Variants in TRPC4 observed in about 807,000 individuals in gnomAD.
TRPC4 encodes short transient receptor potential channel 4.
TRPC4 carries 49 observed loss-of-function variants against 99.4 expected under a neutral mutation model. The observed-to-expected ratio is 0.49, with a 90% confidence interval of 0.39 to 0.63. The LOEUF (loss-of-function observed/expected upper bound fraction) is 0.63, where lower values mean the gene tolerates loss of function less well. Among genes scored for constraint, TRPC4 ranks in the 20% least tolerant of loss-of-function variants. The pLI is 0.00. For missense variants in TRPC4, 898 were observed against 1,152.9 expected, an observed-to-expected ratio of 0.78 and a Z score of 3.20; for synonymous variants, 454 against 425.9, an observed-to-expected ratio of 1.07 and a Z score of -0.81.
chr13:37,836,738 A>C (rs926579444), intron 1 of TRPC4, among the ~76,000 whole-genome samples: 1 of 152,240 alleles, frequency 6.6e-6, no homozygotes, highest in Non-Finnish European at 1.5e-5. Flanking sequence ...GTTAGAAAAG[A>C]AAATCCCATT....
chr13:37,857,256 G>T (rs534306645), intron 1 of TRPC4, among the ~76,000 whole-genome samples: 1 of 151,266 alleles, frequency 6.6e-6, no homozygotes, highest in East Asian at 1.9e-4. Flanking sequence ...AAACACTGAT[G>T]AAAAAAATTA....
At chr13:37,834,703 T>C (rs974357700) in intron 1 of TRPC4, among the ~76,000 whole-genome samples, 1 of 152,152 alleles carries the variant, frequency 6.6e-6, no homozygotes, top group Non-Finnish European at 1.5e-5. Context: ...ATCTTGAGTT[T>C]ATCTCACTCT....
At chr13:37,640,791 G>A (rs1271582305) in intron 8 of TRPC4, among the ~76,000 whole-genome samples, 2 of 152,108 alleles carry the variant, frequency 1.3e-5, no homozygotes, top group Admixed American at 1.3e-4. Context: ...AAATACTAAA[G>A]TGAGTCGTAC....
chr13:37,787,997 A>G (rs1287691147), intron 1 of TRPC4, among the ~76,000 whole-genome samples: 1 of 152,104 alleles, frequency 6.6e-6, no homozygotes, highest in Non-Finnish European at 1.5e-5. Context: ...AAACAATGTT[A>G]TTGTGCTGGA....
In TRPC4 at chr13:37,702,773, C is replaced by T. The variant is rs192930122; in HGVS notation, c.898-10438G>A. On this transcript the variant is annotated intron_variant, in intron 3 of 10. Transcript: ENST00000379705. The stretch of plus-strand genomic sequence containing the variant: ...TCAGCTATATACATAATGCGATTTT[C>T]GAAGGTCTGAAAAAGGTCATATATA... 1.1e-4 allele frequency among the ~76,000 whole-genome samples: 17 copies of T among 152,200 alleles called. No homozygotes were observed. In the East Asian group the frequency reaches 1.9e-3, roughly 17 times the overall value.
chr13:37,803,382 T>C (rs769519132), intron 1 of TRPC4, among the ~76,000 whole-genome samples: 11 of 152,082 alleles, frequency 7.2e-5, no homozygotes, highest in African/African-American at 1.7e-4. Context: ...AAAACATACA[T>C]GTAAACTCAC....
rs537111613 is a variant in TRPC4, at chr13:37,635,925, G to A, written c.*978C>T. Among the ~76,000 whole-genome samples the A allele has an allele frequency of 1.3e-5, 2 of 151,974 alleles. No homozygotes were observed. Among genetic ancestry groups the A allele is most frequent in the Non-Finnish European group, 2.9e-5 (2 of 67,942 alleles). ...TACTGGTGAAAAGAGGAGACTGCTA[G>A]TTTTTTTGTACTTCTTTTGAATTGA... On this transcript the variant is annotated 3_prime_UTR_variant, in exon 11 of 11. Transcript: ENST00000379705.
intron 4 of TRPC4, among the ~76,000 whole-genome samples, chr13:37,689,475 CA>C (rs563793462): frequency 6.6e-6 from 1 of 152,102 alleles, no homozygotes; most frequent in Non-Finnish European, 1.5e-5. Context: ...CCTCATGCCC[CA>C]TTATTTCAGC....
chr13:37,733,549 AAGAAT>A (rs1955304073), intron 3 of TRPC4, among the ~76,000 whole-genome samples: 5 of 152,146 alleles, frequency 3.3e-5, no homozygotes, highest in Admixed American at 3.3e-4. Context: ...TTCTTCTTTG[AAGAAT>A]AGGAGTTTCA....
At chr13:37,713,148 G>C (rs964610061) in intron 3 of TRPC4, among the ~76,000 whole-genome samples, 2 of 152,176 alleles carry the variant, frequency 1.3e-5, no homozygotes, top group Non-Finnish European at 2.9e-5. Flanking sequence ...AGCAGCAGAA[G>C]CAGAGTTAGC....
intron 6 of TRPC4, among the ~76,000 whole-genome samples, chr13:37,661,620 A>C (rs1181560683): frequency 6.6e-6 from 1 of 152,194 alleles, no homozygotes; most frequent in African/African-American, 2.4e-5. Flanking sequence ...GTAAGAAGAA[A>C]GTTGTGAAAG....
intron 3 of TRPC4, among the ~76,000 whole-genome samples, chr13:37,696,544 AT>A (rs1412421834): frequency 6.6e-6 from 1 of 152,214 alleles, no homozygotes; most frequent in Non-Finnish European, 1.5e-5. Flanking sequence ...GAAAATCCAA[AT>A]TCTAGGAACA....
intron 1 of TRPC4, among the ~76,000 whole-genome samples, chr13:37,794,520 C>T (rs1593759550): frequency 6.6e-6 from 1 of 152,186 alleles, no homozygotes; most frequent in African/African-American, 2.4e-5. Flanking sequence ...AGTATTCAAA[C>T]ATAGAAGCAA....
chr13:37,810,062 A>G (rs536541628), intron 1 of TRPC4, among the ~76,000 whole-genome samples: 1 of 152,238 alleles, frequency 6.6e-6, no homozygotes, highest in East Asian at 1.9e-4. Context: ...CACAATAGAA[A>G]CAAATCCAAT....
At chr13:37,780,713 A>G (rs1423138637) in intron 2 of TRPC4, among the ~76,000 whole-genome samples, 2 of 152,106 alleles carry the variant, frequency 1.3e-5, no homozygotes, top group Admixed American at 1.3e-4. Context: ...CACTGAGGCC[A>G]TCTTTGTGTG....
At chr13:37,718,019 G>A (rs1296977919) in intron 3 of TRPC4, among the ~76,000 whole-genome samples, 1 of 151,976 alleles carries the variant, frequency 6.6e-6, no homozygotes, top group African/African-American at 2.4e-5. Context: ...CTACCACTGT[G>A]GTACATTGTG....
chr13:37,861,595 T>C (rs1959331046), intron 1 of TRPC4, among the ~76,000 whole-genome samples: 1 of 151,648 alleles, frequency 6.6e-6, no homozygotes, highest in Non-Finnish European at 1.5e-5. Context: ...AAATGTTATT[T>C]ATTAAAGCTT....
At chr13:37,841,055 C>T (rs577668390) in intron 1 of TRPC4, among the ~76,000 whole-genome samples, 1 of 152,086 alleles carries the variant, frequency 6.6e-6, no homozygotes, top group Non-Finnish European at 1.5e-5. Flanking sequence ...CTGATGCATT[C>T]TCAATACTTT....
At chr13:37,657,581 C>A (rs560476670) in intron 6 of TRPC4, among the ~76,000 whole-genome samples, 1 of 152,190 alleles carries the variant, frequency 6.6e-6, no homozygotes, top group African/African-American at 2.4e-5. Context: ...ACATGAATAG[C>A]AATTTAAGGA....
Sources: gnomAD v4.1 joint callset for allele counts (sites outside exome capture counted in the v4.1 genomes callset) on GRCh38, gnomAD v4.1.1 for gene constraint, MANE v1.5 for transcripts, NCBI Gene and HGNC (gene_info 2026-07-23, HGNC 2026-07-21) for gene names.